RAP1GAP2: variants seen among roughly 807,000 people sequenced by gnomAD.
RAP1GAP2 encodes RAP1 GTPase activating protein 2, also known as rap1 GTPase-activating protein 2.
RAP1GAP2 carries 27 observed loss-of-function variants against 95.0 expected under a neutral mutation model. That is an observed-to-expected ratio of 0.28 (90% confidence interval 0.21 to 0.39). The LOEUF is 0.39. Among genes scored for constraint, RAP1GAP2 ranks in the 10% least tolerant of loss-of-function variants. RAP1GAP2 has a pLI of 1.00. For synonymous variants in RAP1GAP2, 373 were observed against 380.9 expected, an observed-to-expected ratio of 0.98 and a Z score of 0.24; for missense variants, 771 against 970.0, an observed-to-expected ratio of 0.79 and a Z score of 2.72.
chr17:3,027,054 G>A lies in RAP1GAP2; in HGVS notation c.2091G>A (p.Met697Ile). 5 of 1,579,306 alleles carry A rather than the reference G, an allele frequency of 3.2e-6. No individual in the cohort carries two copies. The highest frequency in any genetic ancestry group is 4.3e-6 in the Non-Finnish European group (5 of 1,162,974). ...GGGCAGCTGCCACCCCGATCATCAT[G>A]AGCCGGAGTCCCACAGGTCAGTGGC... ...SLGAAATPIIMSRSPTDAKSR... is the reference protein window; with the variant it reads ...SLGAAATPIIISRSPTDAKSR... The change falls in exon 22 of 25, where the codon ATG (methionine) becomes ATA (isoleucine). Residue 697 changes from methionine to isoleucine, a missense_variant. By Grantham distance (10) the Met-to-Ile change is conservative. Transcript: ENST00000254695. The surrounding 1 kb of genome is among the most constrained non-coding windows in gnomAD (Gnocchi z 5.2).
At chr17:2,757,938 C>T (rs1020509495) in intron 1 of RAP1GAP2, among the ~76,000 whole-genome samples, 9 of 151,328 alleles carry the variant, frequency 5.9e-5, no homozygotes, top group Admixed American at 1.3e-4. Flanking sequence ...GGCGCGATCT[C>T]GGCTCACTGC....
intron 17 of RAP1GAP2, among the ~76,000 whole-genome samples, chr17:3,015,689 CG>C (rs1386054586): frequency 2.6e-5 from 4 of 152,034 alleles, no homozygotes; most frequent in Non-Finnish European, 5.9e-5. Flanking sequence ...TGGTTGCGGG[CG>C]CCTGTAGTCC....
chr17:3,005,869 C>T lies in RAP1GAP2; in HGVS notation c.1273-86C>T, dbSNP rs1005251598. On this transcript the variant is annotated intron_variant, in intron 15 of 24. Coordinates refer to ENST00000254695, the MANE Select transcript of RAP1GAP2 (RefSeq NM_015085.5). This position sits in a 1 kb window ranked among gnomAD's most constrained non-coding sequence, Gnocchi z 5.2. Reference sequence around the variant, plus strand: ...TTTTCAGGGGTTCTCCCCATGGCCCCGGCTCTGCCTGCCTGTCACTGTGGC... The same window carrying T: ...TTTTCAGGGGTTCTCCCCATGGCCCTGGCTCTGCCTGCCTGTCACTGTGGC... 84 of 1,305,694 alleles carry T rather than the reference C, an allele frequency of 6.4e-5. No individual in the cohort carries two copies. The South Asian group carries it at 7.2e-4, about 11-fold the overall frequency. The allele number at this position is 1,305,694 out of a possible 1,614,324, so 80.9% of individuals were successfully genotyped here. A position where few individuals can be genotyped will look rare whatever the true frequency, so the allele number is the denominator to read the frequency against.
At chr17:3,021,698 G>T (rs2046967935) in intron 19 of RAP1GAP2, among the ~76,000 whole-genome samples, 1 of 152,348 alleles carries the variant, frequency 6.6e-6, no homozygotes, top group Non-Finnish European at 1.5e-5. Context: ...GCCTCCCAAA[G>T]TGTTGGGATT....
chr17:2,915,823 G>A (rs566668504), intron 3 of RAP1GAP2, among the ~76,000 whole-genome samples: 3 of 152,062 alleles, frequency 2.0e-5, no homozygotes, highest in African/African-American at 7.2e-5. Flanking sequence ...TCAGCTTTTC[G>A]AATAGCTGGA....
chr17:2,842,275 G>C (rs2071398801), intron 2 of RAP1GAP2, among the ~76,000 whole-genome samples: 1 of 151,988 alleles, frequency 6.6e-6, no homozygotes, highest in South Asian at 2.1e-4. Context: ...GTGTGTGGTG[G>C]CTCATGCACT....
chr17:2,847,112 G>A (rs1011234272), intron 2 of RAP1GAP2, among the ~76,000 whole-genome samples: 1 of 152,160 alleles, frequency 6.6e-6, no homozygotes, highest in Non-Finnish European at 1.5e-5. Context: ...TGGTTCACGC[G>A]ATTCTCCTGC....
At position 2,965,365 on chromosome 17, in the gene RAP1GAP2, G is replaced by T. The variant is rs1014129917; in HGVS notation, c.493-175G>T. 3.3e-6 allele frequency: 2 copies of T among 607,960 alleles called. No individual in the cohort carries two copies. The highest frequency in any genetic ancestry group is 1.9e-5 in the African/African-American group (1 of 54,000). 37.7% of individuals were successfully genotyped at this position (607,960 alleles called of 1,614,324 possible). ...TATTAAGCCCCTGGCACGGTGCCTG[G>T]CGCCTCCTGAGGATCCGGCCGTCGG... On this transcript the variant is annotated intron_variant, in intron 7 of 24. Coordinates refer to ENST00000254695, the MANE Select transcript of RAP1GAP2 (RefSeq NM_015085.5). The surrounding 1 kb of genome is among the most constrained non-coding windows in gnomAD (Gnocchi z 4.7).
intron 3 of RAP1GAP2, among the ~76,000 whole-genome samples, chr17:2,931,280 T>TGTGTGTGTGTGTGTGTGTGTG (rs2043143190): frequency 7.5e-5 from 11 of 146,756 alleles, no homozygotes; most frequent in African/African-American, 2.1e-4. Context: ...TGAGTGTTTC[T>TGTGTGTGTGTGTGTGTGTGTG]TGTGTGTGTG....
In RAP1GAP2 at chr17:3,034,046, C is replaced by A. The variant is rs2047406138; in HGVS notation, c.*685C>A. 6.5e-6 allele frequency: 1 copy of A among 152,758 alleles called. No individual in the cohort carries two copies. The highest frequency in any genetic ancestry group is 6.5e-5 in the Admixed American group (1 of 15,290). 9.5% of individuals were successfully genotyped at this position (152,758 alleles called of 1,614,324 possible). On this transcript the variant is annotated 3_prime_UTR_variant, in exon 25 of 25. Coordinates refer to ENST00000254695, the MANE Select transcript of RAP1GAP2 (RefSeq NM_015085.5). This position sits in a 1 kb window ranked among gnomAD's most constrained non-coding sequence, Gnocchi z 5.1. ...ACCGTGAGCGGGGCTCCAGCCAGTT[C>A]AAGCTCAGAGCCAGAGCTGGACGGG...
chr17:2,952,469 C>T (rs1381063163), intron 3 of RAP1GAP2, among the ~76,000 whole-genome samples: 1 of 152,082 alleles, frequency 6.6e-6, no homozygotes, highest in Non-Finnish European at 1.5e-5. Flanking sequence ...AGGGTAAATT[C>T]CTTAGAGTGG....
intron 2 of RAP1GAP2, among the ~76,000 whole-genome samples, chr17:2,873,959 G>T (rs1052092046): frequency 1.2e-4 from 18 of 151,736 alleles, no homozygotes; most frequent in Non-Finnish European, 2.2e-4. Context: ...ACGCGGTGGG[G>T]GGGGGCGGGT....
chr17:2,975,499 A>G (rs995054524), intron 8 of RAP1GAP2, among the ~76,000 whole-genome samples: 1 of 152,266 alleles, frequency 6.6e-6, no homozygotes, highest in Non-Finnish European at 1.5e-5. Flanking sequence ...CAAAAAGACT[A>G]GGGATAATGT....
chr17:2,963,792 C>T lies in RAP1GAP2; in HGVS notation c.280-64C>T, dbSNP rs1177748003. ...CCTGGGAGCAGCGCAGAGGGGACACCGCCACCGGCCCCCTCCCTCCCCTGC... is the reference window on the plus strand; with the variant it reads ...CCTGGGAGCAGCGCAGAGGGGACACTGCCACCGGCCCCCTCCCTCCCCTGC... On this transcript the variant is annotated intron_variant, in intron 6 of 24. Coordinates refer to ENST00000254695, the MANE Select transcript of RAP1GAP2 (RefSeq NM_015085.5). This position sits in a 1 kb window ranked among gnomAD's most constrained non-coding sequence, Gnocchi z 4.8. The T allele has an allele frequency of 4.0e-5, 56 of 1,389,528 alleles. 1 individual carries two copies. Among genetic ancestry groups the T allele is most frequent in the East Asian group, 3.0e-4 (12 of 39,952 alleles). The allele number at this position is 1,389,528 out of a possible 1,614,324, so 86.1% of individuals were successfully genotyped here. A position where few individuals can be genotyped will look rare whatever the true frequency, so the allele number is the denominator to read the frequency against.
chr17:2,799,788 G>A (rs890104727), intron 1 of RAP1GAP2, among the ~76,000 whole-genome samples: 27 of 152,288 alleles, frequency 1.8e-4, no homozygotes, highest in African/African-American at 5.8e-4. Context: ...GGGAGGAGGG[G>A]CCTCTTCTTG....
At chr17:2,948,411 G>A (rs964685252) in intron 3 of RAP1GAP2, among the ~76,000 whole-genome samples, 3 of 152,246 alleles carry the variant, frequency 2.0e-5, no homozygotes, top group Non-Finnish European at 4.4e-5. Context: ...AGGCAAGAGT[G>A]TTGCAGGGGC....
intron 8 of RAP1GAP2, among the ~76,000 whole-genome samples, chr17:2,967,819 C>T (rs781065453): frequency 8.5e-5 from 13 of 152,188 alleles, no homozygotes; most frequent in Non-Finnish European, 1.6e-4. Context: ...TCCTCATTCC[C>T]CATAGGCTTC....
rs998163717 is a variant in RAP1GAP2, at chr17:3,013,632, CTTTTTTTT to C, written c.1495-4415_1495-4408del. 4.1e-4 allele frequency among the ~76,000 whole-genome samples: 32 copies of C among 78,860 alleles called. 1 individual carries two copies. Among genetic ancestry groups the C allele is most frequent in the Middle Eastern group, 0.012 (1 of 84 alleles). 51.7% of individuals were successfully genotyped at this position (78,860 alleles called of 152,430 possible). On this transcript the variant is annotated intron_variant, in intron 17 of 24. Transcript: ENST00000254695. Reference sequence around the variant, plus strand: ...CTGAGTTTTTCTTTTCTTTTCTTTTCTTTTTTTTTTTTTTTTTTTTTGGTGGGAGCCTT... The same window carrying C: ...CTGAGTTTTTCTTTTCTTTTCTTTTCTTTTTTTTTTTTTGGTGGGAGCCTT...
chr17:2,813,738 C>T (rs2069874598), intron 2 of RAP1GAP2, among the ~76,000 whole-genome samples: 4 of 152,076 alleles, frequency 2.6e-5, no homozygotes, highest in Admixed American at 2.6e-4. Context: ...AGGTGGATCA[C>T]CTGAGGTCAG....
Sources: gnomAD v4.1 joint callset for allele counts (sites outside exome capture counted in the v4.1 genomes callset) on GRCh38, gnomAD v4.1.1 for gene constraint, Gnocchi (gnomAD v3.1) non-coding constraint, MANE v1.5 for transcripts, NCBI Gene and HGNC (gene_info 2026-07-23, HGNC 2026-07-21) for gene names.